The following NUP188 variants were observed in gnomAD, a reference collection of about 807,000 sequenced individuals.
The protein encoded by NUP188 is nucleoporin 188, also known as nucleoporin NUP188.
Under a neutral mutation model 223.0 loss-of-function variants are expected in NUP188, and 97 were observed. The ratio of observed to expected loss-of-function variants is 0.43; its 90% confidence interval spans 0.37 to 0.51. The LOEUF (loss-of-function observed/expected upper bound fraction) is 0.51, where lower values mean the gene tolerates loss of function less well. Ranked by LOEUF, NUP188 falls within the 20% of genes least tolerant of loss-of-function variation. NUP188 has a pLI of 0.00. For synonymous variants in NUP188, 869 were observed against 828.0 expected (o/e 1.05, Z -0.85); for missense variants, 1,947 against 2,175.6 (o/e 0.89, Z 2.09).
chr9:128,991,302 G>C (rs779740149), intron 25 of NUP188, among the ~76,000 whole-genome samples: 3 of 151,994 alleles, frequency 2.0e-5, no homozygotes, highest in Non-Finnish European at 4.4e-5. Flanking sequence ...TACTTTGGGA[G>C]GCTGAAGCAG....
In NUP188 at chr9:128,984,879, TCCC is replaced by T; in HGVS notation, c.1962-20_1962-18del. The T allele has an allele frequency of 1.3e-6, 2 of 1,517,484 alleles. No homozygotes were observed. The highest frequency in any genetic ancestry group is 1.8e-6 in the Non-Finnish European group (2 of 1,106,610). 94.0% of individuals were successfully genotyped at this position (1,517,484 alleles called of 1,614,324 possible). A position where few individuals can be genotyped will look rare whatever the true frequency, so the allele number is the denominator to read the frequency against. ...CTTGAAATTTCCCTATCATTTTTTT[TCCC>T]TCTACTTCTTTTTCCAGTGCGGAAG... On this transcript the variant is annotated intron_variant, in intron 19 of 43. Transcript: ENST00000372577.
At chr9:128,980,307 A>G (rs991926671) in intron 13 of NUP188, among the ~76,000 whole-genome samples, 2 of 152,170 alleles carry the variant, frequency 1.3e-5, no homozygotes, top group Non-Finnish European at 2.9e-5. Flanking sequence ...ATAGTTGGGT[A>G]ATTTGCACTT....
At position 128,986,621 on chromosome 9, in the gene NUP188, A is replaced by T. The variant is rs770708814; in HGVS notation, c.2140A>T (p.Met714Leu). The part of the protein sequence containing the change: ...VPCVMFVLKE[M>L]LPSYHKWRYN... ...CTGTGTAATGTTTGTGCTGAAGGAG[A>T]TGCTTCCCAGCTACCATAAGTGGCG... Residue 714 changes from methionine (M) to leucine (L), a missense_variant, in exon 21 of 44, where the codon ATG (methionine) becomes TTG (leucine). By Grantham distance (15) the Met-to-Leu change is conservative (BLOSUM62 2). Coordinates refer to ENST00000372577, the MANE Select transcript of NUP188 (RefSeq NM_015354.3). 4 of 1,614,160 alleles carry T rather than the reference A, an allele frequency of 2.5e-6. No homozygotes were observed. The East Asian group carries it at 8.9e-5, about 36-fold the overall frequency.
intron 8 of NUP188, 76 bp downstream of exon 8, chr9:128,959,210 C>T: frequency 8.2e-7 from 1 of 1,212,220 alleles, no homozygotes; most frequent in Non-Finnish European, 1.1e-6. Context: ...GGCTGGAGTG[C>T]AGTGGCATGA....
rs200712113 is a variant in NUP188, at chr9:129,006,298, G to A, written c.5003G>A (p.Arg1668Gln). Residue 1668 changes from arginine to glutamine, a missense_variant, in exon 43 of 44, where the codon CGG becomes CAG. By Grantham distance (43) the Arg-to-Gln change is conservative. Coordinates refer to ENST00000372577, the MANE Select transcript of NUP188 (RefSeq NM_015354.3). ...CFYLLISQAMRYLRDPAVHPR... is the reference protein window; with the variant it reads ...CFYLLISQAMQYLRDPAVHPR... ...TACCTGCTCATCTCTCAGGCGATGC[G>A]GTACCTTAGGGACCCGGCTGTGCAC... 1,145 of 1,614,126 alleles carry A rather than the reference G, an allele frequency of 7.1e-4. 3 individuals are homozygous for A. Among genetic ancestry groups the A allele is most frequent in the Middle Eastern group, 1.2e-3 (7 of 6,062 alleles).
intron 8 of NUP188, among the ~76,000 whole-genome samples, chr9:128,966,384 G>GT (rs547073428): frequency 2.8e-4 from 41 of 146,070 alleles, no homozygotes; most frequent in East Asian, 1.0e-3. Flanking sequence ...AAATATCTGG[G>GT]TTTTTTTTTT....
Position 128,987,699 on chromosome 9 carries a change from T to C in NUP188, c.2375T>C (p.Met792Thr), listed in dbSNP as rs1478231031. The C allele has an allele frequency of 2.5e-6, 4 of 1,614,082 alleles. No homozygotes were observed. The highest frequency in any genetic ancestry group is 3.3e-5 in the Admixed American group (2 of 59,994). The change falls in exon 23 of 44, where the codon ATG becomes ACG. Residue 792 changes from methionine (M) to threonine (T), a missense_variant. Met to Thr is a moderately conservative substitution (Grantham distance 81, BLOSUM62 -1). Around this residue, in one of 3 missense-constraint regions of NUP188, gnomAD observed 225 missense variants for 319.1 expected, o/e 0.71. Transcript: ENST00000372577. ...GIGVDTIDMV[M>T]AAQPRSDGAE... ...GGCGTGGACACCATTGACATGGTGA[T>C]GGCTGCTCAGCCTCGAAGGTAGGGC...
intron 12 of NUP188, among the ~76,000 whole-genome samples, chr9:128,978,817 C>T (rs1288566843): frequency 6.6e-6 from 1 of 152,030 alleles, no homozygotes; most frequent in African/African-American, 2.4e-5. Context: ...TCAAGTGATT[C>T]TCATGCCTCA....
At position 128,988,061 on chromosome 9, in the gene NUP188, G is replaced by A; in HGVS notation, c.2408G>A (p.Gly803Asp). The stretch of plus-strand genomic sequence containing the variant: ...TGGCACCCTAGTGATGGGGCAGAGG[G>A]CCAGGGGCAGGGCCAGCTGCTGATC... Reference protein sequence around the residue: ...AAQPRSDGAEGQGQGQLLIKT... With the variant: ...AAQPRSDGAEDQGQGQLLIKT... Residue 803 changes from glycine (G) to aspartate (D), a missense_variant, in exon 24 of 44, where the codon GGC becomes GAC. By Grantham distance (94) the Gly-to-Asp change is moderately conservative. Around this residue, in one of 3 missense-constraint regions of NUP188, gnomAD observed 225 missense variants for 319.1 expected, o/e 0.71. Coordinates refer to ENST00000372577, the MANE Select transcript of NUP188 (RefSeq NM_015354.3). 1 of 1,614,202 alleles carries A rather than the reference G, an allele frequency of 6.2e-7. No homozygotes were observed. Among genetic ancestry groups the A allele is most frequent in the Non-Finnish European group, 8.5e-7 (1 of 1,180,020 alleles).
chr9:128,949,142 T>G, intron 1 of NUP188, 47 bp from the exon 2 acceptor site: 1 of 1,422,992 alleles, frequency 7.0e-7, no homozygotes. Flanking sequence ...TGTACAAGTT[T>G]GTATGATCAG....
At chr9:128,969,685 A>G (rs1286000380) in intron 10 of NUP188, among the ~76,000 whole-genome samples, 171 bp downstream of exon 10, 1 of 152,184 alleles carries the variant, frequency 6.6e-6, no homozygotes, top group African/African-American at 2.4e-5. Context: ...GATGAAGTCT[A>G]GCTCTGTCAC....
At chr9:128,984,827 A>G in intron 19 of NUP188, 73 bp from the exon 20 acceptor site, 1 of 972,728 alleles carries the variant, frequency 1.0e-6, no homozygotes, top group Non-Finnish European at 1.6e-6. Flanking sequence ...CTATAACAAG[A>G]ATGCTCTATG....
At chr9:128,981,663 C>T (rs769008272) in intron 15 of NUP188, among the ~76,000 whole-genome samples, 8 of 152,206 alleles carry the variant, frequency 5.3e-5, no homozygotes, top group Non-Finnish European at 1.0e-4. Context: ...ATCCTGGCAT[C>T]ATCACCACTG....
intron 8 of NUP188, among the ~76,000 whole-genome samples, chr9:128,963,308 C>G (rs1042889402): frequency 2.3e-5 from 3 of 131,248 alleles, no homozygotes; most frequent in African/African-American, 5.9e-5. Context: ...TTTTTTGAGA[C>G]GGAGTCTCGC....
rs758841559 is a variant in NUP188, at chr9:128,982,651, C to T, written c.1619C>T (p.Thr540Ile). The T allele has an allele frequency of 7.4e-6, 12 of 1,613,958 alleles. No individual in the cohort carries two copies. Among genetic ancestry groups the T allele is most frequent in the Admixed American group, 1.7e-5 (1 of 60,002 alleles). The change falls in exon 16 of 44, where the codon ACC (threonine) becomes ATC (isoleucine). Residue 540 changes from threonine (T) to isoleucine (I), a missense_variant. By Grantham distance (89) the Thr-to-Ile change is moderately conservative. Around this residue, in one of 3 missense-constraint regions of NUP188, gnomAD observed 817 missense variants for 865.8 expected, o/e 0.94. Coordinates refer to ENST00000372577, the MANE Select transcript of NUP188 (RefSeq NM_015354.3). ...VRWEYSYSSW[T>I]LFTCEIEMLL... The stretch of plus-strand genomic sequence containing the variant: ...TGGGAATACTCCTATAGCAGCTGGA[C>T]CCTCTTTACCTGCGAGATTGAAATG...
At position 128,973,266 on chromosome 9, in the gene NUP188, C is replaced by A. The variant is rs564338940; in HGVS notation, c.1203+17C>A. On this transcript the variant is annotated intron_variant, in intron 12 of 43. Coordinates refer to ENST00000372577, the MANE Select transcript of NUP188 (RefSeq NM_015354.3). ...AATCAGCAGGTCAGTGTCTGGCTTT[C>A]ATGAAGCTGTCTCTACTGCCCAGCT... 2.4e-5 allele frequency: 38 copies of A among 1,601,066 alleles called. No homozygotes were observed. In the South Asian group the frequency reaches 3.9e-4, roughly 16 times the overall value.
intron 37 of NUP188, 93 bp from the exon 38 acceptor site, chr9:129,003,224 C>A: frequency 1.4e-6 from 2 of 1,440,804 alleles, no homozygotes; most frequent in Non-Finnish European, 9.4e-7. Context: ...CATTTGGGGG[C>A]CTGGGACGTT....
chr9:129,002,480 T>C (rs1208521854), intron 36 of NUP188, among the ~76,000 whole-genome samples: 2 of 152,236 alleles, frequency 1.3e-5, no homozygotes, highest in African/African-American at 4.8e-5. Flanking sequence ...TGAACCTCTC[T>C]CTCTCATGAG....
At chr9:129,005,961 T>G in intron 41 of NUP188, 89 bp from the exon 42 acceptor site, 2 of 1,471,744 alleles carry the variant, frequency 1.4e-6, no homozygotes. Flanking sequence ...CTGATTAAAT[T>G]TGCTTAGTGC....
Sources: allele counts gnomAD v4.1 joint callset (sites outside exome capture counted in the v4.1 genomes callset), GRCh38; gene constraint gnomAD v4.1.1; regional missense constraint gnomAD v4.1.1; transcripts MANE v1.5; gene names NCBI Gene and HGNC (gene_info 2026-07-23, HGNC 2026-07-21).